The following SCHIP1 variants were observed in gnomAD, a reference collection of about 807,000 sequenced individuals.
The protein encoded by SCHIP1 is schwannomin interacting protein 1.
Under a neutral mutation model 29.7 loss-of-function variants are expected in SCHIP1, and 8 were observed. The observed-to-expected ratio is 0.27, with a 90% CI of 0.16 to 0.49. SCHIP1 has a LOEUF of 0.49. Among genes scored for constraint, SCHIP1 ranks in the 20% least tolerant of loss-of-function variants. The pLI, the probability that SCHIP1 is intolerant of heterozygous loss-of-function variation, is 0.99. For missense variants in SCHIP1, 193 were observed against 294.6 expected (o/e 0.66, Z 2.52); for synonymous variants, 76 against 94.9 (o/e 0.80, Z 1.16).
chr3:159,375,316 C>G, the SCHIP1 span, among the ~76,000 whole-genome samples: 1 of 152,206 alleles, frequency 6.6e-6, no homozygotes, highest in Non-Finnish European at 1.5e-5. Context: ...GAGGTGATGC[C>G]TGGGCTGAAT....
chr3:159,661,162 C>T, the SCHIP1 span, among the ~76,000 whole-genome samples: 10 of 152,178 alleles, frequency 6.6e-5, no homozygotes, highest in African/African-American at 1.4e-4. Flanking sequence ...TTATTCATCA[C>T]AAAGCTATCT....
At chr3:159,354,990 C>T in the SCHIP1 span, among the ~76,000 whole-genome samples, 1 of 152,096 alleles carries the variant, frequency 6.6e-6, no homozygotes, top group African/African-American at 2.4e-5. Context: ...CCATTGCCTC[C>T]CATAGATATT....
the SCHIP1 span, among the ~76,000 whole-genome samples, chr3:159,496,305 G>C: frequency 6.6e-6 from 1 of 152,218 alleles, no homozygotes; most frequent in Non-Finnish European, 1.5e-5. Flanking sequence ...ACTACCATCA[G>C]AGTGAACAGG....
the SCHIP1 span, among the ~76,000 whole-genome samples, chr3:159,331,762 G>A: frequency 3.3e-5 from 5 of 152,178 alleles, no homozygotes; most frequent in East Asian, 7.7e-4. Context: ...TCTCTGCCTT[G>A]AGTCACACCA....
At chr3:159,848,888 A>T (rs1712194881) in intron 1 of SCHIP1, among the ~76,000 whole-genome samples, 1 of 152,132 alleles carries the variant, frequency 6.6e-6, no homozygotes, top group Non-Finnish European at 1.5e-5. Context: ...GCACAGCTCC[A>T]TCTGGAAAGG....
chr3:159,446,617 A>G, the SCHIP1 span, among the ~76,000 whole-genome samples: 8 of 152,188 alleles, frequency 5.3e-5, no homozygotes, highest in Non-Finnish European at 1.2e-4. Context: ...GCAATACCAT[A>G]TTGCCTTGTG....
At chr3:159,316,188 A>G in the SCHIP1 span, among the ~76,000 whole-genome samples, 1 of 151,680 alleles carries the variant, frequency 6.6e-6, no homozygotes, top group Admixed American at 6.6e-5. Flanking sequence ...CTAATAGGAT[A>G]TATATATATA....
chr3:159,708,275 C>T, the SCHIP1 span, among the ~76,000 whole-genome samples: 1 of 152,204 alleles, frequency 6.6e-6, no homozygotes, highest in African/African-American at 2.4e-5. Context: ...ATGGGTCCTA[C>T]ATTCAAGATG....
chr3:159,500,279 G>A, the SCHIP1 span, among the ~76,000 whole-genome samples: 4 of 152,094 alleles, frequency 2.6e-5, no homozygotes, highest in Non-Finnish European at 2.9e-5. Context: ...TCTCAGATAC[G>A]TGCCAGGGCA....
chr3:159,740,818 C>G, the SCHIP1 span, among the ~76,000 whole-genome samples: 1 of 144,718 alleles, frequency 6.9e-6, no homozygotes, highest in Non-Finnish European at 1.5e-5. Flanking sequence ...TTAAGATATC[C>G]TATCTTAGCT....
the SCHIP1 span, among the ~76,000 whole-genome samples, chr3:159,426,212 T>C: frequency 2.6e-4 from 39 of 151,668 alleles, no homozygotes; most frequent in African/African-American, 9.0e-4. Flanking sequence ...CTGAAGGAAA[T>C]AGAGACACAA....
At chr3:159,337,944 A>C in the SCHIP1 span, among the ~76,000 whole-genome samples, 1 of 152,202 alleles carries the variant, frequency 6.6e-6, no homozygotes, top group Non-Finnish European at 1.5e-5. Flanking sequence ...GGTCTGCCTG[A>C]AAAATGTCAA....
the SCHIP1 span, among the ~76,000 whole-genome samples, chr3:159,406,820 C>A: frequency 6.6e-6 from 1 of 152,060 alleles, no homozygotes; most frequent in Non-Finnish European, 1.5e-5. Flanking sequence ...GTTAAGCTGT[C>A]ATGAGTTTAA....
At chr3:159,759,147 T>G in the SCHIP1 span, among the ~76,000 whole-genome samples, 2 of 152,248 alleles carry the variant, frequency 1.3e-5, no homozygotes, top group Non-Finnish European at 2.9e-5. Context: ...TTTAATATGT[T>G]AATTTTTTAA....
the SCHIP1 span, among the ~76,000 whole-genome samples, chr3:159,287,525 A>G: frequency 6.6e-6 from 1 of 151,932 alleles, no homozygotes; most frequent in South Asian, 2.1e-4. Flanking sequence ...TTATTTTTAT[A>G]TTATTATTGG....
chr3:159,561,736 C>G, the SCHIP1 span, among the ~76,000 whole-genome samples: 1 of 151,992 alleles, frequency 6.6e-6, no homozygotes, highest in East Asian at 1.9e-4. Flanking sequence ...TTTTAATGGA[C>G]TTAAGTAGAT....
chr3:159,287,419 G>C, the SCHIP1 span, among the ~76,000 whole-genome samples: 1 of 151,796 alleles, frequency 6.6e-6, no homozygotes, highest in Non-Finnish European at 1.5e-5. Flanking sequence ...GTATAAAACT[G>C]TTGACTCTTC....
chr3:159,284,364 A>G, the SCHIP1 span, among the ~76,000 whole-genome samples: 3 of 152,086 alleles, frequency 2.0e-5, no homozygotes, highest in Non-Finnish European at 4.4e-5. Context: ...ATTACTTTTA[A>G]TATTTATAAT....
At chr3:159,586,725 G>A in the SCHIP1 span, among the ~76,000 whole-genome samples, 1 of 152,126 alleles carries the variant, frequency 6.6e-6, no homozygotes, top group Admixed American at 6.5e-5. Context: ...TGCTAGGCCT[G>A]AGGATGGTCC....
Sources: allele counts gnomAD v4.1 joint callset (sites outside exome capture counted in the v4.1 genomes callset), GRCh38; gene constraint gnomAD v4.1.1; transcripts MANE v1.5; gene names NCBI Gene and HGNC (gene_info 2026-07-23, HGNC 2026-07-21).